CR1L: variants seen among roughly 807,000 people sequenced by gnomAD.
CR1L encodes the protein complement component receptor 1-like protein.
A neutral mutation model predicts 62.3 loss-of-function variants in CR1L; 59 were observed. The ratio of observed to expected loss-of-function variants is 0.95; its 90% CI spans 0.77 to 1.18. The LOEUF (loss-of-function observed/expected upper bound fraction) is 1.18, where lower values mean the gene tolerates loss of function less well. Among genes scored for constraint, CR1L ranks in the 50% most tolerant of loss-of-function variants. CR1L has a pLI of 0.00. For synonymous variants in CR1L, 279 were observed against 248.7 expected (o/e 1.12, Z -1.15); for missense variants, 700 against 702.8 (o/e 1.00, Z 0.04).
intron 1 of CR1L, 30 bp downstream of exon 1, chr1:207,645,360 G>A (rs765739238): frequency 3.7e-6 from 6 of 1,610,324 alleles, no homozygotes; most frequent in Non-Finnish European, 3.4e-6. Flanking sequence ...TCGCGCGTCC[G>A]CGGCGAGGCT....
At position 207,677,562 on chromosome 1, in the gene CR1L, T is replaced by C. The variant is rs1437606809; in HGVS notation, c.271T>C (p.Cys91Arg). The change falls in exon 2 of 12, where the codon TGC becomes CGC. Residue 91 changes from cysteine (C) to arginine (R), a missense_variant. Coordinates refer to ENST00000508064, the MANE Select transcript of CR1L (RefSeq NM_175710.2). ...NSVWTSAKDK[C>R]KRKSCRNPPD... ...AGTCTGGACAAGTGCTAAGGACAAG[T>C]GCAAACGTAAGTAACTCTGGAGTGG... 1.2e-6 allele frequency: 2 copies of C among 1,613,000 alleles called. No homozygotes were observed. The highest frequency in any genetic ancestry group is 1.3e-5 in the African/African-American group (1 of 75,024).
chr1:207,669,648 C>T, intron 1 of CR1L: 1 of 779,484 alleles, frequency 1.3e-6, no homozygotes, highest in South Asian at 1.8e-5. Flanking sequence ...CCGCGCTGGG[C>T]TGCGCTGCTC....
In CR1L at chr1:207,678,255, A is replaced by T; in HGVS notation, c.335A>T (p.Asp112Val). 6.2e-7 allele frequency: 1 copy of T among 1,613,756 alleles called. No homozygotes were observed. The highest frequency in any genetic ancestry group is 1.1e-5 in the South Asian group (1 of 91,078). ...AATGGCATGGCACATGTGATCAAAG[A>T]CATCCAGTTCAGATCCCAAATTAAA... Reference protein sequence around the residue: ...PVNGMAHVIKDIQFRSQIKYS... With the variant: ...PVNGMAHVIKVIQFRSQIKYS... Residue 112 changes from aspartate (D) to valine (V), a missense_variant, in exon 3 of 12, where the codon GAC (aspartate) becomes GTC (valine). Physicochemically the swap from Asp to Val is radical, Grantham distance 152. Transcript: ENST00000508064.
intron 9 of CR1L, among the ~76,000 whole-genome samples, chr1:207,705,993 A>G (rs1028705540): frequency 5.5e-5 from 7 of 127,142 alleles, no homozygotes; most frequent in African/African-American, 2.1e-4. Context: ...TATATGTGTC[A>G]TATATATGTG....
chr1:207,678,244 T>C lies in CR1L; in HGVS notation c.324T>C (p.His108=). The C allele has an allele frequency of 1.2e-6, 2 of 1,613,794 alleles. No individual in the cohort carries two copies. The highest frequency in any genetic ancestry group is 1.7e-6 in the Non-Finnish European group (2 of 1,179,660). Residue 108 remains histidine, a synonymous_variant, in exon 3 of 12, where the codon CAT becomes CAC. Transcript: ENST00000508064. ...NPPDPVNGMA[H]VIKDIQFRSQ... ...CAGATCCTGTGAATGGCATGGCACA[T>C]GTGATCAAAGACATCCAGTTCAGAT...
At chr1:207,674,956 C>T (rs1663666651) in intron 1 of CR1L, among the ~76,000 whole-genome samples, 1 of 152,010 alleles carries the variant, frequency 6.6e-6, no homozygotes. Flanking sequence ...GGGCTCTAAC[C>T]CAGACCCACT....
intron 10 of CR1L, among the ~76,000 whole-genome samples, chr1:207,712,762 C>T (rs1664378404): frequency 6.6e-6 from 1 of 152,160 alleles, no homozygotes; most frequent in Non-Finnish European, 1.5e-5. Flanking sequence ...TTTTTCTTCT[C>T]GTGAAATCCT....
chr1:207,666,349 G>C (rs1006015516), intron 1 of CR1L, among the ~76,000 whole-genome samples: 4 of 152,158 alleles, frequency 2.6e-5, no homozygotes, highest in Admixed American at 6.5e-5. Context: ...TCTGAGAAGG[G>C]ATTCATAATT....
chr1:207,693,874 A>G (rs1664031244), intron 4 of CR1L, among the ~76,000 whole-genome samples: 1 of 152,130 alleles, frequency 6.6e-6, no homozygotes, highest in South Asian at 2.1e-4. Context: ...TTTAACCCCC[A>G]GTAGTCTACA....
At chr1:207,652,584 G>A in intron 1 of CR1L, 2 of 1,556,772 alleles carry the variant, frequency 1.3e-6, no homozygotes, top group South Asian at 2.2e-5. Flanking sequence ...AAGCTATGGA[G>A]CTCATTGGTA....
At chr1:207,647,790 A>T (rs1215953237) in intron 1 of CR1L, among the ~76,000 whole-genome samples, 1 of 151,934 alleles carries the variant, frequency 6.6e-6, no homozygotes, top group East Asian at 1.9e-4. Context: ...GTTTATGTTG[A>T]CTCTGCAGGG....
At chr1:207,707,821 T>TACACAC (rs1664292707) in intron 9 of CR1L, among the ~76,000 whole-genome samples, 1 of 134,944 alleles carries the variant, frequency 7.4e-6, no homozygotes, top group Admixed American at 7.3e-5. Flanking sequence ...CACACACACA[T>TACACAC]ATTAAGGGAA....
chr1:207,647,742 C>G (rs1396054572), intron 1 of CR1L, among the ~76,000 whole-genome samples: 1 of 152,164 alleles, frequency 6.6e-6, no homozygotes, highest in East Asian at 1.9e-4. Context: ...AAAGCTAGGG[C>G]AGCAGCAGCT....
At chr1:207,717,750 A>T in intron 11 of CR1L, 59 bp downstream of exon 11, 1 of 1,580,454 alleles carries the variant, frequency 6.3e-7, no homozygotes, top group Non-Finnish European at 8.6e-7. Context: ...GAGAACCTTC[A>T]TATTTCTATA....
chr1:207,710,395 G>A, intron 10 of CR1L: 1 of 1,508,790 alleles, frequency 6.6e-7, no homozygotes, highest in Non-Finnish European at 9.2e-7. Context: ...TTCCTTGTGG[G>A]CTACCCCCCA....
At position 207,710,321 on chromosome 1, in the gene CR1L, C is replaced by T. The variant is rs1470311146; in HGVS notation, c.1414+2058C>T. On this transcript the variant is annotated intron_variant, in intron 10 of 11. Transcript: ENST00000508064. ...TCGTGCCACTGCACTCCAGCCTGGG[C>T]GACAGAGCAAGACTCTGTCCCAAGG... 90 of 1,026,364 alleles carry T rather than the reference C, an allele frequency of 8.8e-5. 1 individual carries two copies. The highest frequency in any genetic ancestry group is 1.4e-4 in the Admixed American group (7 of 51,472). The allele number at this position is 1,026,364 out of a possible 1,614,324, so 63.6% of individuals were successfully genotyped here.
At chr1:207,653,828 T>C (rs1413194709) in intron 1 of CR1L, among the ~76,000 whole-genome samples, 2 of 152,200 alleles carry the variant, frequency 1.3e-5, no homozygotes, top group Admixed American at 1.3e-4. Flanking sequence ...GACTAGATAA[T>C]TCATAAAGAA....
chr1:207,678,302 G>C lies in CR1L; in HGVS notation c.377+5G>C. On this transcript the variant is annotated splice_donor_5th_base_variant and intron_variant, in intron 3 of 11. Coordinates refer to ENST00000508064, the MANE Select transcript of CR1L (RefSeq NM_175710.2). ...TAAATATTCTTGTCCTAAAGGGTGA[G>C]TTGGCATCTCTTGAACCAACATCTC... is the stretch of plus-strand genomic sequence containing the variant. 6.2e-7 allele frequency: 1 copy of C among 1,610,818 alleles called. No individual in the cohort carries two copies. The highest frequency in any genetic ancestry group is 1.1e-5 in the South Asian group (1 of 90,950).
intron 1 of CR1L, among the ~76,000 whole-genome samples, chr1:207,666,994 G>T (rs544181495): frequency 2.8e-4 from 43 of 152,150 alleles, no homozygotes; most frequent in African/African-American, 8.9e-4. Flanking sequence ...TTTTACAAAA[G>T]TCCTCTTGTG....
Sources: allele counts gnomAD v4.1 joint callset (sites outside exome capture counted in the v4.1 genomes callset), GRCh38; gene constraint gnomAD v4.1.1; transcripts MANE v1.5; gene names NCBI Gene and HGNC (gene_info 2026-07-23, HGNC 2026-07-21).